Variants in XNDC1N observed in about 807,000 individuals in gnomAD.
The protein encoded by XNDC1N is XRCC1 N-terminal domain containing 1, N-terminal like, also known as protein XNDC1N.
At chr11:71,917,767 CCA>C in the XNDC1N span, 17 of 703,144 alleles carry the variant, frequency 2.4e-5, no homozygotes, top group Non-Finnish European at 4.4e-5. Context: ...GAACGCACAG[CCA>C]CAGTTACCTG....
the XNDC1N span, among the ~76,000 whole-genome samples, chr11:71,885,426 C>T: frequency 3.3e-5 from 5 of 152,294 alleles, no homozygotes; most frequent in South Asian, 8.3e-4. Context: ...GTGTACACTT[C>T]CTGCGATGTT....
chr11:71,923,183 T>TA, the XNDC1N span: 3 of 672,816 alleles, frequency 4.5e-6, no homozygotes, highest in East Asian at 2.7e-5. Context: ...TTTCTTCTCT[T>TA]AGACTCTGAA....
At chr11:71,911,600 G>A in the XNDC1N span, among the ~76,000 whole-genome samples, 1 of 152,172 alleles carries the variant, frequency 6.6e-6, no homozygotes, top group African/African-American at 2.4e-5. Flanking sequence ...TTAGAACTCA[G>A]TGAGGGTGAG....
the XNDC1N span, among the ~76,000 whole-genome samples, chr11:71,880,972 G>A: frequency 6.6e-6 from 1 of 152,224 alleles, no homozygotes; most frequent in African/African-American, 2.4e-5. Flanking sequence ...ATGAGGAGAA[G>A]AATGTGTACT....
chr11:71,867,469 A>T, the XNDC1N span, among the ~76,000 whole-genome samples: 1 of 151,964 alleles, frequency 6.6e-6, no homozygotes, highest in Non-Finnish European at 1.5e-5. Context: ...CCATGAACAC[A>T]GAAACACCGC....
At chr11:71,907,825 A>G in the XNDC1N span, among the ~76,000 whole-genome samples, 1 of 152,118 alleles carries the variant, frequency 6.6e-6, no homozygotes, top group Non-Finnish European at 1.5e-5. Context: ...ATATGTAGTC[A>G]TATCACCCCC....
At chr11:71,914,099 T>C in the XNDC1N span, among the ~76,000 whole-genome samples, 1 of 152,346 alleles carries the variant, frequency 6.6e-6, no homozygotes, top group East Asian at 1.9e-4. Context: ...ACATCCATTT[T>C]GCAGCCCAAG....
chr11:71,920,271 C>T, the XNDC1N span, among the ~76,000 whole-genome samples: 1 of 142,984 alleles, frequency 7.0e-6, no homozygotes, highest in South Asian at 2.2e-4. Context: ...AAGCAGAGCT[C>T]TTAACCACCA....
the XNDC1N span, among the ~76,000 whole-genome samples, chr11:71,880,162 T>C: frequency 1.3e-4 from 20 of 152,150 alleles, no homozygotes; most frequent in Non-Finnish European, 2.5e-4. Context: ...AATAAGTCAA[T>C]TGATAATCTA....
chr11:71,911,047 C>T, the XNDC1N span, among the ~76,000 whole-genome samples: 5 of 152,240 alleles, frequency 3.3e-5, no homozygotes, highest in South Asian at 2.1e-4. Context: ...GGGCCCAGGC[C>T]GAGGCCAGTG....
At chr11:71,898,017 T>C in the XNDC1N span, among the ~76,000 whole-genome samples, 1 of 152,092 alleles carries the variant, frequency 6.6e-6, no homozygotes, top group African/African-American at 2.4e-5. Context: ...ACCCTGTCTC[T>C]ACTGAAAATG....
chr11:71,891,467 C>T, the XNDC1N span, among the ~76,000 whole-genome samples: 1 of 151,964 alleles, frequency 6.6e-6, no homozygotes, highest in Non-Finnish European at 1.5e-5. Context: ...TAATGTCATC[C>T]TCCCCAAACC....
At chr11:71,923,200 A>C in the XNDC1N span, 1 of 686,468 alleles carries the variant, frequency 1.5e-6, no homozygotes, top group South Asian at 1.6e-5. Context: ...TGAACTCACA[A>C]TGTCTCTTCT....
chr11:71,910,459 C>T, the XNDC1N span, among the ~76,000 whole-genome samples: 5 of 152,184 alleles, frequency 3.3e-5, no homozygotes, highest in Admixed American at 3.3e-4. Context: ...AAGAACTCCC[C>T]CACCATCTTC....
At chr11:71,908,559 T>G in the XNDC1N span, among the ~76,000 whole-genome samples, 4 of 152,040 alleles carry the variant, frequency 2.6e-5, no homozygotes, top group East Asian at 1.9e-4. Context: ...AGCAGCGATA[T>G]ACTGGGTTAG....
the XNDC1N span, among the ~76,000 whole-genome samples, chr11:71,872,708 A>G: frequency 5.3e-3 from 811 of 152,262 alleles, 12 homozygotes; most frequent in African/African-American, 0.019. Flanking sequence ...AGCCTGGGTG[A>G]CAGAGCAAGA....
the XNDC1N span, among the ~76,000 whole-genome samples, chr11:71,889,777 C>T: frequency 6.6e-6 from 1 of 152,176 alleles, no homozygotes; most frequent in East Asian, 1.9e-4. Flanking sequence ...CTTTGAAGGT[C>T]TCCAAGTGGA....
chr11:71,905,180 T>C, the XNDC1N span, among the ~76,000 whole-genome samples: 4 of 151,758 alleles, frequency 2.6e-5, no homozygotes, highest in African/African-American at 7.3e-5. Flanking sequence ...AACGTGATAT[T>C]TGAAGTCATA....
At chr11:71,912,038 C>A in the XNDC1N span, among the ~76,000 whole-genome samples, 1 of 152,188 alleles carries the variant, frequency 6.6e-6, no homozygotes, top group Non-Finnish European at 1.5e-5. Context: ...TGCAGTTGTA[C>A]TGGCTGTGCA....
Sources: allele counts gnomAD v4.1 joint callset (sites outside exome capture counted in the v4.1 genomes callset), GRCh38; gene constraint gnomAD v4.1.1; transcripts MANE v1.5; gene names NCBI Gene and HGNC (gene_info 2026-07-23, HGNC 2026-07-21).